Variants in DENND2D observed in about 807,000 individuals in gnomAD.
DENND2D encodes the protein DENN domain-containing protein 2D.
In DENND2D, 37 loss-of-function variants were observed where a neutral mutation model predicts 59.8. The ratio of observed to expected loss-of-function variants is 0.62; its 90% confidence interval spans 0.48 to 0.81. The LOEUF (loss-of-function observed/expected upper bound fraction) is 0.81, where lower values mean the gene tolerates loss of function less well. Ranked by LOEUF, DENND2D falls within the 40% of genes least tolerant of loss-of-function variation. DENND2D has a pLI of 0.00. For synonymous variants in DENND2D, 219 were observed against 211.3 expected (o/e 1.04, Z -0.31); for missense variants, 525 against 579.7 (o/e 0.91, Z 0.97).
At chr1:111,203,733 C>T (rs2296381), upstream of DENND2D, among the ~76,000 whole-genome samples, 11,935 of 152,266 alleles carry the variant, frequency 0.078, 764 homozygotes, top group East Asian at 0.34. Context: ...TCTACCGCCG[C>T]TCCGCTGGAG....
intron 2 of DENND2D, 95 bp downstream of exon 2, chr1:111,199,528 C>T (rs1658586917): frequency 1.1e-5 from 16 of 1,431,156 alleles, no homozygotes; most frequent in African/African-American, 1.4e-5. Context: ...GCTCAAGCCC[C>T]GGTAGGGTAG....
intron 4 of DENND2D, 113 bp downstream of exon 4, chr1:111,197,807 C>T: frequency 6.5e-7 from 1 of 1,536,210 alleles, no homozygotes; most frequent in South Asian, 1.2e-5. Context: ...TGTGCTTTTT[C>T]TACAACCAGT....
chr1:111,195,971 G>A lies in DENND2D; in HGVS notation c.590C>T (p.Pro197Leu). 1 of 1,614,116 alleles carries A rather than the reference G, an allele frequency of 6.2e-7. No homozygotes were observed. Among genetic ancestry groups the A allele is most frequent in the South Asian group, 1.1e-5 (1 of 91,072 alleles). Residue 197 changes from proline (P) to leucine (L), a missense_variant, in exon 6 of 12, where the codon CCT (proline) becomes CTT (leucine). Around this residue, in one of 3 missense-constraint regions of DENND2D, gnomAD observed 47 missense variants for 80.9 expected, o/e 0.58. Coordinates refer to ENST00000357640, the MANE Select transcript of DENND2D (RefSeq NM_024901.5). ...GAGAGTGACAGTCTTCCCAGGAGCA[G>A]GGAAGGCTGCCTCTCGGAGGCCCTG... ...FMQGLREAAF[P>L]APGKTVTLKS...
At chr1:111,200,310 G>A (rs1036878506) in intron 1 of DENND2D, 83 bp downstream of exon 1, 2 of 1,529,768 alleles carry the variant, frequency 1.3e-6, no homozygotes, top group Admixed American at 1.9e-5. Flanking sequence ...AAAGGAAGAG[G>A]AGGAAGGAGC....
chr1:111,190,046 C>A (rs1657604226), intron 8 of DENND2D, among the ~76,000 whole-genome samples: 1 of 151,926 alleles, frequency 6.6e-6, no homozygotes, highest in Non-Finnish European at 1.5e-5. Flanking sequence ...CGCCTGTAGT[C>A]CCAGCTACTC....
chr1:111,202,696 T>TACACACACAC (rs5741908), upstream of DENND2D, among the ~76,000 whole-genome samples: 42,560 of 142,594 alleles, frequency 0.3, 7,447 homozygotes, highest in East Asian at 0.54. Flanking sequence ...GTCACCAGGA[T>TACACACACAC]ACACACACAC....
At chr1:111,190,174 A>AACAAAACAAAACC (rs77382405) in intron 8 of DENND2D, among the ~76,000 whole-genome samples, 1 of 148,754 alleles carries the variant, frequency 6.7e-6, no homozygotes, top group Non-Finnish European at 1.5e-5. Context: ...AAAAAAAAAA[A>AACAAAACAAAACC]AAAAAAAAAC....
intron 2 of DENND2D, among the ~76,000 whole-genome samples, chr1:111,198,990 T>A (rs1658531927): frequency 7.0e-6 from 1 of 143,118 alleles, no homozygotes; most frequent in Admixed American, 6.8e-5. Context: ...GAGTTCGACC[T>A]CAGTATCGAG....
At chr1:111,194,229 T>A (rs919816462) in intron 7 of DENND2D, among the ~76,000 whole-genome samples, 2 of 152,146 alleles carry the variant, frequency 1.3e-5, no homozygotes, top group East Asian at 1.9e-4. Flanking sequence ...GTTGAATGAG[T>A]ATCTACCTCC....
intron 6 of DENND2D, chr1:111,195,425 A>G (rs1329954768): frequency 6.3e-6 from 1 of 159,998 alleles, no homozygotes; most frequent in African/African-American, 2.4e-5. Context: ...TCCAGAGGAC[A>G]GGACTGGAAT....
At chr1:111,198,865 A>G (rs1658517410) in intron 2 of DENND2D, 123 bp from the exon 3 acceptor site, 3 of 911,948 alleles carry the variant, frequency 3.3e-6, no homozygotes, top group African/African-American at 3.3e-5. Context: ...CTTCTCCACT[A>G]GCATAGGGGC....
At chr1:111,199,163 G>C (rs1185827410) in intron 2 of DENND2D, among the ~76,000 whole-genome samples, 2 of 152,234 alleles carry the variant, frequency 1.3e-5, no homozygotes, top group Non-Finnish European at 2.9e-5. Flanking sequence ...CCTCTACCTG[G>C]TGAAGGATCA....
At chr1:111,195,390 A>C (rs1658131936) in intron 6 of DENND2D, 1 of 155,738 alleles carries the variant, frequency 6.4e-6, no homozygotes, top group Non-Finnish European at 1.4e-5. Flanking sequence ...CCAAGGTTCA[A>C]AGGGGCACAC....
At chr1:111,188,573 C>G in intron 10 of DENND2D, 129 bp downstream of exon 10, 1 of 1,180,972 alleles carries the variant, frequency 8.5e-7, no homozygotes. Flanking sequence ...TTCAGACTTG[C>G]CCTAGGTTCT....
Position 111,190,037 on chromosome 1 carries a change from G to A in DENND2D, c.973-784C>T, listed in dbSNP as rs919102989. Among the ~76,000 whole-genome samples, 8 of 151,820 alleles carry A rather than the reference G, an allele frequency of 5.3e-5. No individual in the cohort carries two copies. In the South Asian group the frequency reaches 6.3e-4, roughly 12 times the overall value. ...AAATCAGCCGGGTGTGGTGGCGGGC[G>A]CCTGTAGTCCCAGCTACTCCAGAGG... On this transcript the variant is annotated intron_variant, in intron 8 of 11. Coordinates refer to ENST00000357640, the MANE Select transcript of DENND2D (RefSeq NM_024901.5).
chr1:111,198,099 TCA>T, intron 3 of DENND2D, 110 bp from the exon 4 acceptor site: 1 of 1,033,432 alleles, frequency 9.7e-7, no homozygotes, highest in Non-Finnish European at 1.5e-6. Flanking sequence ...TGCTGATTAA[TCA>T]CAGGAGTAAG....
At position 111,198,649 on chromosome 1, in the gene DENND2D, A is replaced by C. The variant is rs776127765; in HGVS notation, c.337T>G (p.Ser113Ala). 3 of 1,613,992 alleles carry C rather than the reference A, an allele frequency of 1.9e-6. No individual in the cohort carries two copies. The highest frequency in any genetic ancestry group is 1.3e-5 in the African/African-American group (1 of 75,046). Reference sequence around the variant, plus strand: ...AATTACCTGGGATACTCGGTGAGTGATGCCCACTCATTCCCATCTGGGAAG... The same window carrying C: ...AATTACCTGGGATACTCGGTGAGTGCTGCCCACTCATTCCCATCTGGGAAG... Reference protein sequence around the residue: ...FCFPDGNEWASLTEYPRETFS... With the variant: ...FCFPDGNEWAALTEYPRETFS... Residue 113 changes from serine to alanine, a missense_variant, in exon 3 of 12, where the codon TCA becomes GCA. Ser to Ala is a moderately conservative substitution (Grantham distance 99). Around this residue, in one of 3 missense-constraint regions of DENND2D, gnomAD observed 253 missense variants for 246.4 expected, o/e 1.03. Transcript: ENST00000357640.
chr1:111,196,301 C>G (rs1314408439), intron 5 of DENND2D: 1 of 398,764 alleles, frequency 2.5e-6, no homozygotes, highest in Non-Finnish European at 4.5e-6. Context: ...TTTATTATCT[C>G]TCTACACATC....
rs557269618 is a variant in DENND2D at position 111,194,330 on chromosome 1, A to G, written c.794+248T>C. On this transcript the variant is annotated intron_variant, in intron 7 of 11. Coordinates refer to ENST00000357640, the MANE Select transcript of DENND2D (RefSeq NM_024901.5). Reference sequence around the variant, plus strand: ...GTCCCACCCAGGCTGTCCCAGGAATACTTCCTGTCCTTCCCCAAGCTAAGT... The same window carrying G: ...GTCCCACCCAGGCTGTCCCAGGAATGCTTCCTGTCCTTCCCCAAGCTAAGT... Among the ~76,000 whole-genome samples the G allele has an allele frequency of 1.8e-4, 28 of 152,286 alleles. No homozygotes were observed. In the South Asian group the frequency reaches 5.8e-3, roughly 32 times the overall value.
Sources: gnomAD v4.1 joint callset for allele counts (sites outside exome capture counted in the v4.1 genomes callset) on GRCh38, gnomAD v4.1.1 for gene constraint, gnomAD v4.1.1 regional missense constraint, MANE v1.5 for transcripts, NCBI Gene and HGNC (gene_info 2026-07-23, HGNC 2026-07-21) for gene names.